The following RP1L1 variants were observed in gnomAD, a reference collection of about 807,000 sequenced individuals.
RP1L1 encodes the protein RP1 like 1, also known as retinitis pigmentosa 1-like 1 protein.
A neutral mutation model predicts 15.7 loss-of-function variants in RP1L1; 27 were observed. The observed-to-expected ratio is 1.72, with a 90% CI of 1.27 to 2.38. The LOEUF (loss-of-function observed/expected upper bound fraction) is 2.38, where lower values mean the gene tolerates loss of function less well. Ranked by LOEUF, RP1L1 falls within the 30% of genes most tolerant of loss-of-function variation. RP1L1 has a pLI of 0.00. For missense variants in RP1L1, 4,798 were observed against 3,075.9 expected, an observed-to-expected ratio of 1.56 and a Z score of -13.24; for synonymous variants, 1,813 against 1,276.7, an observed-to-expected ratio of 1.42 and a Z score of -8.96.
rs994932828 is a variant in RP1L1 at position 10,655,055 on chromosome 8, G to C, written c.-177C>G. 1 of 152,710 alleles carries C rather than the reference G, an allele frequency of 6.5e-6. No individual in the cohort carries two copies. The highest frequency in any genetic ancestry group is 2.1e-4 in the South Asian group (1 of 4,822). The allele number at this position is 152,710 out of a possible 1,614,324, so 9.5% of individuals were successfully genotyped here. Reference sequence around the variant, plus strand: ...GGCCACCCTCCTCCGGACAGTCCTCGGGGCCACTCTCCTTGGCCTGAGAGC... The same window carrying C: ...GGCCACCCTCCTCCGGACAGTCCTCCGGGCCACTCTCCTTGGCCTGAGAGC... On this transcript the variant is annotated 5_prime_UTR_variant, in exon 1 of 4. Transcript: ENST00000382483.
chr8:10,610,304 C>G lies in RP1L1; in HGVS notation c.3794G>C (p.Arg1265Pro). ...CTCATTGGTGGCACAAGCGCAGGCTCGGGCGTTCAAGAAGGTTGGGAAACA... is the reference window on the plus strand; with the variant it reads ...CTCATTGGTGGCACAAGCGCAGGCTGGGGCGTTCAAGAAGGTTGGGAAACA... ...QCCFPTFLNA[R>P]ACACATNEDE... The change falls in exon 4 of 4, where the codon CGA (arginine) becomes CCA (proline). Residue 1265 changes from arginine (R) to proline (P), a missense_variant. Coordinates refer to ENST00000382483, the MANE Select transcript of RP1L1 (RefSeq NM_178857.6). 1 of 1,614,188 alleles carries G rather than the reference C, an allele frequency of 6.2e-7. No homozygotes were observed.
At chr8:10,648,707 C>A (rs1264461978) in intron 1 of RP1L1, among the ~76,000 whole-genome samples, 2 of 152,216 alleles carry the variant, frequency 1.3e-5, no homozygotes, top group Non-Finnish European at 2.9e-5. Flanking sequence ...GTTGGCCTTG[C>A]CATTCTCTGA....
chr8:10,623,947 C>G (rs1798116893), intron 1 of RP1L1, among the ~76,000 whole-genome samples: 1 of 151,144 alleles, frequency 6.6e-6, no homozygotes, highest in African/African-American at 2.4e-5. Flanking sequence ...CCCAGCACCT[C>G]CACATCCCTG....
intron 1 of RP1L1, among the ~76,000 whole-genome samples, chr8:10,634,067 G>A (rs1399560838): frequency 6.6e-6 from 1 of 152,178 alleles, no homozygotes; most frequent in Non-Finnish European, 1.5e-5. Context: ...CAACAAGGCA[G>A]ATAGAGCTCA....
intron 1 of RP1L1, among the ~76,000 whole-genome samples, chr8:10,647,840 C>A (rs1049234770): frequency 6.6e-6 from 1 of 152,180 alleles, no homozygotes; most frequent in Non-Finnish European, 1.5e-5. Flanking sequence ...GTTTTCAATT[C>A]TTCTGGGCAT....
In RP1L1 at chr8:10,608,749, C is replaced by T. The variant is rs773065990; in HGVS notation, c.5349G>A (p.Ala1783=). Reference sequence around the variant, plus strand: ...GCTCAGCTTCCCCCAACTCACTGCCCGCACTGGTTTCACTGTTGTGGGTTT... The same window carrying T: ...GCTCAGCTTCCCCCAACTCACTGCCTGCACTGGTTTCACTGTTGTGGGTTT... ...EGKTHNSETS[A]GSELGEAEQE... Residue 1783 remains alanine, a synonymous_variant, in exon 4 of 4, where the codon GCG becomes GCA. Transcript: ENST00000382483. 32 of 1,614,122 alleles carry T rather than the reference C, an allele frequency of 2.0e-5. No homozygotes were observed. The highest frequency in any genetic ancestry group is 6.7e-5 in the African/African-American group (5 of 74,938).
intron 1 of RP1L1, among the ~76,000 whole-genome samples, chr8:10,639,840 T>G (rs763606612): frequency 1.4e-4 from 21 of 152,222 alleles, no homozygotes; most frequent in Non-Finnish European, 2.2e-4. Context: ...TCAACAAAAA[T>G]GAAATGAAAA....
At position 10,642,487 on chromosome 8, in the gene RP1L1, A is replaced by T. The variant is rs572871426; in HGVS notation, c.-20+12411T>A. Among the ~76,000 whole-genome samples the T allele has an allele frequency of 1.5e-3, 226 of 152,356 alleles. 1 individual carries two copies. Among genetic ancestry groups the T allele is most frequent in the African/African-American group, 5.1e-3 (214 of 41,596 alleles). On this transcript the variant is annotated intron_variant, in intron 1 of 3. Coordinates refer to ENST00000382483, the MANE Select transcript of RP1L1 (RefSeq NM_178857.6). ...TGCGATGGTTGGGGCTACAGATGCC[A>T]TTTTGTTACCATAGTGAAACCTAGT...
chr8:10,608,927 T>C lies in RP1L1; in HGVS notation c.5171A>G (p.Gln1724Arg), dbSNP rs1479846366. Residue 1724 changes from glutamine to arginine, a missense_variant, in exon 4 of 4, where the codon CAG (glutamine) becomes CGG (arginine). Coordinates refer to ENST00000382483, the MANE Select transcript of RP1L1 (RefSeq NM_178857.6). ...CGGCCCCAGCCCTCCCTCAGCTCCCTGGACAGTCCTAGTGCTCGTGGGGTC... is the reference window on the plus strand; with the variant it reads ...CGGCCCCAGCCCTCCCTCAGCTCCCCGGACAGTCCTAGTGCTCGTGGGGTC... ...HTDPTSTRTV[Q>R]GAEGGLGPGL... The C allele has an allele frequency of 3.1e-6, 5 of 1,614,054 alleles. No homozygotes were observed. Among genetic ancestry groups the C allele is most frequent in the Middle Eastern group, 1.6e-4 (1 of 6,062 alleles).
intron 3 of RP1L1, among the ~76,000 whole-genome samples, chr8:10,613,963 C>T (rs1322772245): frequency 1.3e-5 from 2 of 152,072 alleles, no homozygotes; most frequent in Non-Finnish European, 2.9e-5. Context: ...TTTTCTGAAC[C>T]GTAAAATAAG....
intron 2 of RP1L1, among the ~76,000 whole-genome samples, chr8:10,617,783 C>A (rs1797994116): frequency 6.6e-6 from 1 of 152,074 alleles, no homozygotes. Flanking sequence ...GTCTCGATCT[C>A]CTGACCTCGT....
intron 1 of RP1L1, among the ~76,000 whole-genome samples, chr8:10,650,790 C>T (rs1186039210): frequency 6.6e-6 from 1 of 152,114 alleles, no homozygotes; most frequent in Non-Finnish European, 1.5e-5. Context: ...TATTCTCGAA[C>T]TCCTGACCTC....
chr8:10,642,183 T>A (rs1038571067), intron 1 of RP1L1, among the ~76,000 whole-genome samples: 10 of 152,238 alleles, frequency 6.6e-5, no homozygotes, highest in African/African-American at 2.4e-4. Flanking sequence ...GTTTAGTTTT[T>A]TTCAAAGAGG....
intron 1 of RP1L1, among the ~76,000 whole-genome samples, chr8:10,631,440 C>G (rs1035210589): frequency 6.7e-6 from 1 of 149,686 alleles, no homozygotes; most frequent in South Asian, 2.1e-4. Context: ...CGCACACACA[C>G]GCACACACAC....
At position 10,611,058 on chromosome 8, in the gene RP1L1, G is replaced by C. The variant is rs1312033080; in HGVS notation, c.3040C>G (p.Leu1014Val). 6.2e-7 allele frequency: 1 copy of C among 1,612,802 alleles called. No individual in the cohort carries two copies. The highest frequency in any genetic ancestry group is 8.5e-7 in the Non-Finnish European group (1 of 1,179,996). Residue 1014 changes from leucine (L) to valine (V), a missense_variant, in exon 4 of 4, where the codon CTG becomes GTG. Coordinates refer to ENST00000382483, the MANE Select transcript of RP1L1 (RefSeq NM_178857.6). ...GEPAQAGQQSLEGDPGQDPEP... is the reference protein window; with the variant it reads ...GEPAQAGQQSVEGDPGQDPEP... Reference sequence around the variant, plus strand: ...GGGTCCTGGCCGGGGTCCCCTTCCAGGGACTGCTGTCCCGCCTGAGCTGGC... The same window carrying C: ...GGGTCCTGGCCGGGGTCCCCTTCCACGGACTGCTGTCCCGCCTGAGCTGGC...
chr8:10,641,704 T>C (rs1313584094), intron 1 of RP1L1, among the ~76,000 whole-genome samples: 2 of 152,200 alleles, frequency 1.3e-5, no homozygotes, highest in African/African-American at 4.8e-5. Context: ...ACACAAAAAC[T>C]TGTAAAAAAG....
chr8:10,611,783 G>T lies in RP1L1; in HGVS notation c.2315C>A (p.Ser772Ter). 6.2e-7 allele frequency: 1 copy of T among 1,613,646 alleles called. No individual in the cohort carries two copies. Among genetic ancestry groups the T allele is most frequent in the South Asian group, 1.1e-5 (1 of 91,076 alleles). ...TGTGTGGGGAGGTATGGGGGCCGGC[G>T]AGCATGTCCTGGACCCCGCGTCCCC... is the stretch of plus-strand genomic sequence containing the variant. ...WAGDAGSRTC[S>*]PAPIPPHTSD... Residue 772 changes from serine (S) to a stop codon, truncating the protein, a stop_gained, in exon 4 of 4, where the codon TCG (serine) becomes TAG (stop). Coordinates refer to ENST00000382483, the MANE Select transcript of RP1L1 (RefSeq NM_178857.6). LOFTEE classifies it low-confidence loss of function (END_TRUNC).
In RP1L1 at chr8:10,609,731, T is replaced by C; in HGVS notation, c.4367A>G (p.His1456Arg). Residue 1456 changes from histidine to arginine, a missense_variant, in exon 4 of 4, where the codon CAT becomes CGT. Coordinates refer to ENST00000382483, the MANE Select transcript of RP1L1 (RefSeq NM_178857.6). ...GGCACTTGGGTCCGTCTCGCTGAGA[T>C]GACTAGGGGGCTCTGTGGGTTCCTC... ...GTEEPTEPPS[H>R]LSETDPSASE... 1 of 1,613,416 alleles carries C rather than the reference T, an allele frequency of 6.2e-7. No homozygotes were observed. Among genetic ancestry groups the C allele is most frequent in the Non-Finnish European group, 8.5e-7 (1 of 1,179,692 alleles).
chr8:10,617,625 G>C (rs1296981532), intron 2 of RP1L1, among the ~76,000 whole-genome samples: 6 of 143,690 alleles, frequency 4.2e-5, no homozygotes, highest in African/African-American at 1.6e-4. Context: ...GGCGCGATCT[G>C]GGCTCACTGC....
Sources: gnomAD v4.1 joint callset for allele counts (sites outside exome capture counted in the v4.1 genomes callset) on GRCh38, gnomAD v4.1.1 for gene constraint, MANE v1.5 for transcripts, NCBI Gene and HGNC (gene_info 2026-07-23, HGNC 2026-07-21) for gene names.